Variants in UBE2J2 observed in about 807,000 individuals in gnomAD.
UBE2J2 encodes ubiquitin-conjugating enzyme E2 J2.
UBE2J2 carries 5 observed loss-of-function variants against 28.6 expected under a neutral mutation model. That is an observed-to-expected ratio of 0.17 (90% CI 0.09 to 0.37). The LOEUF (loss-of-function observed/expected upper bound fraction) is 0.37. UBE2J2 is among the 10% of genes least tolerant of loss of function. The pLI is 1.00. For synonymous variants in UBE2J2, 138 were observed against 139.7 expected (o/e 0.99, Z 0.09); for missense variants, 226 against 338.9 (o/e 0.67, Z 2.62).
chr1:1,257,343 G>C, intron 3 of UBE2J2, 33 bp from the exon 4 acceptor site: 1 of 1,402,268 alleles, frequency 7.1e-7, no homozygotes, highest in Non-Finnish European at 9.9e-7. Context: ...GGGCCTTGTC[G>C]TCCGCCACAG....
intron 3 of UBE2J2, among the ~76,000 whole-genome samples, chr1:1,258,689 C>A (rs946284078): frequency 1.3e-5 from 2 of 152,242 alleles, no homozygotes; most frequent in Non-Finnish European, 2.9e-5. Context: ...CGGCCACTTC[C>A]ACCAAATGGC....
Position 1,256,889 on chromosome 1 carries a change from A to G in UBE2J2, c.414+103T>C, listed in dbSNP as rs982563740. ...AGACACAGCGAGACTCCGTCTCAAG[A>G]AAAAAAAAAAAAAAAAAAAAAAGGC... On this transcript the variant is annotated intron_variant, in intron 5 of 6. Coordinates refer to ENST00000349431, the MANE Select transcript of UBE2J2 (RefSeq NM_058167.3). 212 of 157,210 alleles carry G rather than the reference A, an allele frequency of 1.3e-3. 2 individuals are homozygous for G. In the East Asian group the frequency reaches 0.078, roughly 58 times the overall value. 9.7% of individuals were successfully genotyped at this position (157,210 alleles called of 1,614,324 possible). A position where few individuals can be genotyped will look rare whatever the true frequency, so the allele number is the denominator to read the frequency against.
Position 1,265,564 on chromosome 1 carries a change from C to CGTGTGTGTGTGT in UBE2J2, c.132-2190_132-2179dup, listed in dbSNP as rs112951404. Among the ~76,000 whole-genome samples the CGTGTGTGTGTGT allele has an allele frequency of 3.3e-3, 480 of 143,318 alleles. 5 individuals carry two copies. Among genetic ancestry groups the CGTGTGTGTGTGT allele is most frequent in the African/African-American group, 0.012 (445 of 38,362 alleles). The allele number at this position is 143,318 out of a possible 152,430, so 94.0% of individuals were successfully genotyped here. On this transcript the variant is annotated intron_variant, in intron 2 of 6. Coordinates refer to ENST00000349431, the MANE Select transcript of UBE2J2 (RefSeq NM_058167.3). Reference sequence around the variant, plus strand: ...CCGCTGGCTGACTGCAGTTTTCTCTCGTGTGTGTGTGTGTGTGTGTGTGTG... The same window carrying CGTGTGTGTGTGT: ...CCGCTGGCTGACTGCAGTTTTCTCTCGTGTGTGTGTGTGTGTGTGTGTGTGTGTGTGTGTGTG...
chr1:1,263,262 G>T, intron 3 of UBE2J2, 84 bp downstream of exon 3: 2 of 1,279,628 alleles, frequency 1.6e-6, no homozygotes, highest in Non-Finnish European at 2.3e-6. Context: ...GCTGCTGTTT[G>T]CAAATAAAAG....
chr1:1,256,701 G>A (rs1247504564), intron 5 of UBE2J2, among the ~76,000 whole-genome samples: 2 of 151,788 alleles, frequency 1.3e-5, no homozygotes, highest in African/African-American at 4.8e-5. Flanking sequence ...TTAACACGGT[G>A]AAACCCCGTC....
At chr1:1,273,446 C>T (rs1278564902) in intron 1 of UBE2J2, 1 of 151,942 alleles carries the variant, frequency 6.6e-6, no homozygotes, top group Non-Finnish European at 1.5e-5. Flanking sequence ...GCCGAGTGGT[C>T]AAGTCCCCGA....
chr1:1,270,283 A>AG (rs1224101973), intron 1 of UBE2J2, among the ~76,000 whole-genome samples: 1 of 152,056 alleles, frequency 6.6e-6, no homozygotes, highest in African/African-American at 2.4e-5. Flanking sequence ...ACCTCCTTTC[A>AG]GTCTCCACCT....
chr1:1,272,072 T>C (rs1008430029), intron 1 of UBE2J2, among the ~76,000 whole-genome samples: 7 of 150,696 alleles, frequency 4.6e-5, no homozygotes, highest in African/African-American at 7.3e-5. Flanking sequence ...GAGAATTACT[T>C]GAACTCGGGA....
Position 1,255,269 on chromosome 1 carries a change from C to T in UBE2J2, c.714G>A (p.Val238=), listed in dbSNP as rs1225942546. ...AAGCAAAGGCTGCAAACCCAACTAT[C>T]ACAAACAAGTTCGCCAGGGCGCCAC... The part of the protein sequence containing the change: ...LLGGALANLF[V]IVGFAAFAYT... The change falls in exon 7 of 7, where the codon GTG becomes GTA. Residue 238 remains valine (V), a synonymous_variant. Coordinates refer to ENST00000349431, the MANE Select transcript of UBE2J2 (RefSeq NM_058167.3). 4 of 1,613,280 alleles carry T rather than the reference C, an allele frequency of 2.5e-6. No homozygotes were observed. Among genetic ancestry groups the T allele is most frequent in the East Asian group, 2.2e-5 (1 of 44,868 alleles).
intron 6 of UBE2J2, among the ~76,000 whole-genome samples, 199 bp downstream of exon 6, chr1:1,255,846 G>A (rs1025641560): frequency 6.6e-5 from 10 of 152,198 alleles, no homozygotes; most frequent in East Asian, 1.9e-4. Flanking sequence ...CCCAGCCCCC[G>A]GCCCACCAGC....
At position 1,254,105 on chromosome 1, in the gene UBE2J2, C is replaced by T. The variant is rs911989530; in HGVS notation, c.*1098G>A. On this transcript the variant is annotated 3_prime_UTR_variant, in exon 7 of 7. Transcript: ENST00000349431. ...TCTTGCCGGCGGCCGTGCCCCACCT[C>T]GACGCGATGCACCTGCGGTACATCC... is the stretch of plus-strand genomic sequence containing the variant. The T allele has an allele frequency of 3.9e-5, 6 of 152,164 alleles. No homozygotes were observed. Among genetic ancestry groups the T allele is most frequent in the Admixed American group, 6.5e-5 (1 of 15,284 alleles). The allele number at this position is 152,164 out of a possible 1,614,324, so 9.4% of individuals were successfully genotyped here. A position where few individuals can be genotyped will look rare whatever the true frequency, so the allele number is the denominator to read the frequency against.
In UBE2J2 at chr1:1,254,241, G is replaced by A. The variant is rs1200271405; in HGVS notation, c.*962C>T. The A allele has an allele frequency of 1.3e-5, 2 of 152,240 alleles. No individual in the cohort carries two copies. The highest frequency in any genetic ancestry group is 1.5e-5 in the Non-Finnish European group (1 of 68,044). 9.4% of individuals were successfully genotyped at this position (152,240 alleles called of 1,614,324 possible). ...GGCTCTGGCGTCTTTCCGGGCCGGGGTGCCCCTCTGCCATGTTCCGTGGAC... is the reference window on the plus strand; with the variant it reads ...GGCTCTGGCGTCTTTCCGGGCCGGGATGCCCCTCTGCCATGTTCCGTGGAC... On this transcript the variant is annotated 3_prime_UTR_variant, in exon 7 of 7. Coordinates refer to ENST00000349431, the MANE Select transcript of UBE2J2 (RefSeq NM_058167.3).
intron 1 of UBE2J2, among the ~76,000 whole-genome samples, chr1:1,271,974 C>CA (rs60924258): frequency 0.11 from 2,903 of 27,268 alleles, 288 homozygotes; most frequent in Middle Eastern, 0.17. Context: ...AACTCCGTCT[C>CA]AAAAAAAAAA....
chr1:1,267,780 C>A, intron 2 of UBE2J2, 82 bp downstream of exon 2: 1 of 1,579,402 alleles, frequency 6.3e-7, no homozygotes, highest in Non-Finnish European at 8.6e-7. Context: ...GACTGGGGCA[C>A]CAGGCTCGCC....
chr1:1,259,699 C>T (rs1046707567), intron 3 of UBE2J2, among the ~76,000 whole-genome samples: 7 of 152,170 alleles, frequency 4.6e-5, no homozygotes, highest in Non-Finnish European at 1.0e-4. Flanking sequence ...ACGCACTGTC[C>T]CCTGGTGACC....
In UBE2J2 at chr1:1,256,075, G is replaced by A. The variant is rs755597528; in HGVS notation, c.465C>T (p.Val155=). The A allele has an allele frequency of 1.9e-6, 3 of 1,613,564 alleles. No homozygotes were observed. The highest frequency in any genetic ancestry group is 1.7e-6 in the Non-Finnish European group (2 of 1,179,692). The part of the protein sequence containing the change: ...QSLAFNLKDK[V]FCELFPEVVE... The stretch of plus-strand genomic sequence containing the variant: ...CGACTTCAGGAAATAATTCACAAAA[G>A]ACTTTATCTTTCAAATTAAATGCTA... Residue 155 remains valine, a synonymous_variant, in exon 6 of 7, where the codon GTC becomes GTT. Transcript: ENST00000349431.
rs561910600 is a variant in UBE2J2 at position 1,260,336 on chromosome 1, G to A, written c.172+3010C>T. On this transcript the variant is annotated intron_variant, in intron 3 of 6. Coordinates refer to ENST00000349431, the MANE Select transcript of UBE2J2 (RefSeq NM_058167.3). ...GGAACAGCCAAAGCGAGGCTGGAACGATGTTTAGCTCGGTGCTAATGGGCA... is the reference window on the plus strand; with the variant it reads ...GGAACAGCCAAAGCGAGGCTGGAACAATGTTTAGCTCGGTGCTAATGGGCA... 2.6e-5 allele frequency among the ~76,000 whole-genome samples: 4 copies of A among 152,358 alleles called. No homozygotes were observed. The South Asian group carries it at 6.2e-4, about 24-fold the overall frequency.
chr1:1,257,648 C>A (rs1457166613), intron 3 of UBE2J2, among the ~76,000 whole-genome samples: 1 of 151,552 alleles, frequency 6.6e-6, no homozygotes, highest in African/African-American at 2.4e-5. Context: ...ACACCCCCAC[C>A]AGGAGCAGAG....
Position 1,267,927 on chromosome 1 carries a change from A to C in UBE2J2, c.66T>G (p.Leu22=). ...AAGGCACCGGGTCTTTCTTAATGCG[A>C]AGGTAGTCCTGCTTCAGCCTCTGGG... The part of the protein sequence containing the change: ...TATQRLKQDY[L]RIKKDPVPYI... Residue 22 remains leucine, a synonymous_variant, in exon 2 of 7, where the codon CTT becomes CTG. Coordinates refer to ENST00000349431, the MANE Select transcript of UBE2J2 (RefSeq NM_058167.3). 6.2e-7 allele frequency: 1 copy of C among 1,614,064 alleles called. No individual in the cohort carries two copies. Among genetic ancestry groups the C allele is most frequent in the Non-Finnish European group, 8.5e-7 (1 of 1,179,978 alleles).
Sources: allele counts gnomAD v4.1 joint callset (sites outside exome capture counted in the v4.1 genomes callset), GRCh38; gene constraint gnomAD v4.1.1; transcripts MANE v1.5; gene names NCBI Gene and HGNC (gene_info 2026-07-23, HGNC 2026-07-21).